The following MALRD1 variants were observed in gnomAD, a reference collection of about 807,000 sequenced individuals.
MALRD1 encodes MAM and LDL-receptor class A domain-containing protein 1.
A neutral mutation model predicts 242.1 loss-of-function variants in MALRD1; 247 were observed. The ratio of observed to expected loss-of-function variants is 1.02; its 90% CI spans 0.92 to 1.13. The LOEUF is 1.13. Ranked by LOEUF, MALRD1 falls within the 50% of genes most tolerant of loss-of-function variation. The probability of loss-of-function intolerance (pLI) is 0.00; values close to 1 mark genes in which losing one functional copy is unlikely to be tolerated. For missense variants in MALRD1, 2,989 were observed against 2,533.1 expected, an observed-to-expected ratio of 1.18 and a Z score of -3.86; for synonymous variants, 995 against 866.6, an observed-to-expected ratio of 1.15 and a Z score of -2.60.
chr10:19,624,021 C>T (rs1839527944), intron 36 of MALRD1, among the ~76,000 whole-genome samples: 1 of 152,066 alleles, frequency 6.6e-6, no homozygotes, highest in East Asian at 1.9e-4. Context: ...GCAACATATT[C>T]TGATAGGAAA....
chr10:19,243,035 C>CTGTGG (rs1011295787), intron 18 of MALRD1, among the ~76,000 whole-genome samples: 3 of 148,544 alleles, frequency 2.0e-5, no homozygotes, highest in African/African-American at 7.4e-5. Context: ...TGGTGGTTTT[C>CTGTGG]TGTGGTGCTA....
intron 2 of MALRD1, among the ~76,000 whole-genome samples, chr10:19,077,159 C>T (rs1158309635): frequency 6.6e-6 from 1 of 151,824 alleles, no homozygotes; most frequent in South Asian, 2.1e-4. Context: ...TATATACTTA[C>T]CAACTTTTAC....
intron 34 of MALRD1, 54 bp downstream of exon 34, chr10:19,595,511 G>T: frequency 2.0e-6 from 3 of 1,496,244 alleles, no homozygotes; most frequent in Non-Finnish European, 9.0e-7. Flanking sequence ...GCTTTAAAAT[G>T]AGAAAGAAAG....
chr10:19,489,190 A>C, intron 29 of MALRD1: 1 of 472,232 alleles, frequency 2.1e-6, no homozygotes, highest in Non-Finnish European at 4.3e-6. Context: ...CTGCTCCTGC[A>C]AAAGTGCAGG....
intron 14 of MALRD1, among the ~76,000 whole-genome samples, chr10:19,190,347 A>T (rs1835918413): frequency 6.6e-6 from 1 of 152,136 alleles, no homozygotes; most frequent in Non-Finnish European, 1.5e-5. Context: ...AGATCAGAAG[A>T]CGTAATATTC....
chr10:19,692,565 C>T lies in MALRD1; in HGVS notation c.6314+11C>T, dbSNP rs2131824227. On this transcript the variant is annotated intron_variant, in intron 38 of 39. Transcript: ENST00000454679. ...AAAGGTACCAATAAGGTAAGTGATG[C>T]CTTTAGTTGCTAAATGAAATATACC... The T allele has an allele frequency of 6.6e-7, 1 of 1,519,990 alleles. No individual in the cohort carries two copies. The highest frequency in any genetic ancestry group is 8.8e-7 in the Non-Finnish European group (1 of 1,135,548). The allele number at this position is 1,519,990 out of a possible 1,614,324, so 94.2% of individuals were successfully genotyped here.
At chr10:19,120,815 G>T (rs1327767413) in intron 5 of MALRD1, among the ~76,000 whole-genome samples, 4 of 152,178 alleles carry the variant, frequency 2.6e-5, no homozygotes, top group African/African-American at 9.7e-5. Context: ...CACGATCTCA[G>T]TTCACTGCAA....
intron 21 of MALRD1, among the ~76,000 whole-genome samples, chr10:19,293,167 A>G (rs1841530504): frequency 6.6e-6 from 1 of 152,202 alleles, no homozygotes; most frequent in South Asian, 2.1e-4. Flanking sequence ...CTAACAGATC[A>G]AGACTTTTAA....
intron 15 of MALRD1, 107 bp downstream of exon 15, chr10:19,203,987 CAGAT>C: frequency 7.6e-7 from 1 of 1,314,414 alleles, no homozygotes; most frequent in Non-Finnish European, 1.1e-6. Context: ...AACAAACAGT[CAGAT>C]AGTTGAATAT....
At position 19,491,579 on chromosome 10, in the gene MALRD1, A is replaced by G. The variant is rs1837496745; in HGVS notation, c.5092A>G (p.Ile1698Val). The change falls in exon 30 of 40, where the codon ATT becomes GTT. Residue 1698 changes from isoleucine (I) to valine (V), a missense_variant. Coordinates refer to ENST00000454679, the MANE Select transcript of MALRD1 (RefSeq NM_001142308.3). ...TTTTTTGTGCCGGGACAAGAAGTGC[A>G]TTGCATCCCACCTTCTTTGTGACTA... ...TDFLCRDKKC[I>V]ASHLLCDYKP... The G allele has an allele frequency of 2.6e-6, 4 of 1,550,246 alleles. No individual in the cohort carries two copies. Among genetic ancestry groups the G allele is most frequent in the East Asian group, 2.4e-5 (1 of 40,894 alleles).
chr10:19,443,010 C>A (rs527424386), intron 28 of MALRD1, among the ~76,000 whole-genome samples: 4 of 152,250 alleles, frequency 2.6e-5, no homozygotes, highest in Admixed American at 2.6e-4. Context: ...TGATATTGAC[C>A]TATTCAGGGA....
chr10:19,607,898 C>G lies in MALRD1; in HGVS notation c.6066C>G (p.Cys2022Trp), dbSNP rs908417508. ...ATTTCCAGCTTGATGAGTCCAGCTGCTCCGGTACCCCATTTCCATTCAGAT... is the reference window on the plus strand; with the variant it reads ...ATTTCCAGCTTGATGAGTCCAGCTGGTCCGGTACCCCATTTCCATTCAGAT... ...CMDFQLDESSCSECPLNYCRN... is the reference protein window; with the variant it reads ...CMDFQLDESSWSECPLNYCRN... The change falls in exon 35 of 40, where the codon TGC becomes TGG. Residue 2022 changes from cysteine (C) to tryptophan (W), a missense_variant. Physicochemically the swap from Cys to Trp is radical, Grantham distance 215 (BLOSUM62 -2). Coordinates refer to ENST00000454679, the MANE Select transcript of MALRD1 (RefSeq NM_001142308.3). 2.6e-6 allele frequency: 4 copies of G among 1,549,548 alleles called. No homozygotes were observed. Among genetic ancestry groups the G allele is most frequent in the South Asian group, 1.2e-5 (1 of 84,010 alleles).
intron 32 of MALRD1, among the ~76,000 whole-genome samples, chr10:19,553,511 T>C (rs1488701151): frequency 6.6e-6 from 1 of 152,144 alleles, no homozygotes; most frequent in Non-Finnish European, 1.5e-5. Context: ...ATACTTTTCA[T>C]AACTAAATTC....
intron 28 of MALRD1, among the ~76,000 whole-genome samples, chr10:19,429,763 A>C (rs1182257764): frequency 2.6e-5 from 4 of 152,126 alleles, no homozygotes; most frequent in African/African-American, 9.7e-5. Context: ...GATCAGTTCC[A>C]TTAATGAATT....
intron 32 of MALRD1, among the ~76,000 whole-genome samples, chr10:19,558,702 G>C (rs1835832658): frequency 1.3e-5 from 2 of 152,108 alleles, no homozygotes; most frequent in South Asian, 2.1e-4. Context: ...TTCCTTTCTA[G>C]TAATGTTTTT....
chr10:19,455,353 T>C (rs1388127965), intron 29 of MALRD1, among the ~76,000 whole-genome samples: 1 of 152,200 alleles, frequency 6.6e-6, no homozygotes, highest in Non-Finnish European at 1.5e-5. Flanking sequence ...AGTACAGTCA[T>C]TCACCTGATA....
chr10:19,052,400 A>G (rs1290481514), intron 1 of MALRD1, among the ~76,000 whole-genome samples: 1 of 152,210 alleles, frequency 6.6e-6, no homozygotes, highest in Non-Finnish European at 1.5e-5. Context: ...GCTATAATAA[A>G]TCATCCTGTC....
chr10:19,508,521 GTGTTAGCAACTAGCCAC>G (rs1380379073), intron 31 of MALRD1, among the ~76,000 whole-genome samples: 5 of 152,190 alleles, frequency 3.3e-5, no homozygotes, highest in Admixed American at 6.5e-5. Flanking sequence ...ACTGTCCAAT[GTGTTAGCAACTAGCCAC>G]ATGGAACTAT....
At chr10:19,606,683 A>G (rs1459794119) in intron 34 of MALRD1, among the ~76,000 whole-genome samples, 1 of 152,096 alleles carries the variant, frequency 6.6e-6, no homozygotes, top group Admixed American at 6.6e-5. Context: ...CAAGATGAAC[A>G]TCACCACTGG....
Sources: allele counts gnomAD v4.1 joint callset (sites outside exome capture counted in the v4.1 genomes callset), GRCh38; gene constraint gnomAD v4.1.1; transcripts MANE v1.5; gene names NCBI Gene and HGNC (gene_info 2026-07-23, HGNC 2026-07-21).